Variants in PUM2 observed in about 807,000 individuals in gnomAD.
The protein encoded by PUM2 is pumilio homolog 2.
PUM2 carries 57 observed loss-of-function variants against 124.5 expected under a neutral mutation model. The ratio of observed to expected loss-of-function variants is 0.46; its 90% CI spans 0.37 to 0.57. PUM2 has a LOEUF of 0.57. Ranked by LOEUF, PUM2 falls within the 20% of genes least tolerant of loss-of-function variation. The pLI is 0.00. For missense variants in PUM2, 1,065 were observed against 1,290.6 expected (o/e 0.83, Z 2.68); for synonymous variants, 460 against 446.1 (o/e 1.03, Z -0.39).
Position 20,278,630 on chromosome 2 carries a change from G to T in PUM2, c.1910C>A (p.Pro637Gln). ...PSQTPGHSLT[P>Q]PPSLSSHGSS... ...TCCATGTGATGAAAGTGATGGCGGT[G>T]GCGTAAGTGAATGTCCTGGAGTTTG... The change falls in exon 13 of 21, where the codon CCA becomes CAA. Residue 637 changes from proline to glutamine, a missense_variant. Pro to Gln is a moderately conservative substitution (Grantham distance 76). This residue lies in a region of PUM2 where 968 missense variants were observed against 1,159.8 expected (regional missense o/e 0.83). Transcript: ENST00000361078. 1 of 1,613,376 alleles carries T rather than the reference G, an allele frequency of 6.2e-7. No homozygotes were observed. Among genetic ancestry groups the T allele is most frequent in the Non-Finnish European group, 8.5e-7 (1 of 1,179,598 alleles).
chr2:20,317,841 T>C, intron 3 of PUM2, among the ~76,000 whole-genome samples: 1 of 152,168 alleles, frequency 6.6e-6, no homozygotes, highest in East Asian at 1.9e-4. Context: ...TCCAGCCCCA[T>C]CCATGTTGCT....
At chr2:20,322,741 T>G (rs189217968) in intron 2 of PUM2, among the ~76,000 whole-genome samples, 103 of 152,272 alleles carry the variant, frequency 6.8e-4, no homozygotes, top group Middle Eastern at 6.8e-3. Flanking sequence ...GGTCAGAGGT[T>G]GCAGTAAGTT....
intron 5 of PUM2, among the ~76,000 whole-genome samples, chr2:20,308,796 A>T (rs900050837): frequency 6.6e-6 from 1 of 152,142 alleles, no homozygotes; most frequent in Non-Finnish European, 1.5e-5. Context: ...AATATTATTA[A>T]TGATTACTCC....
At chr2:20,320,284 A>G (rs967003137) in intron 2 of PUM2, among the ~76,000 whole-genome samples, 2 of 152,156 alleles carry the variant, frequency 1.3e-5, no homozygotes, top group Admixed American at 6.6e-5. Context: ...AGAGGGTACT[A>G]GCAGAGAAAG....
At position 20,341,099 on chromosome 2, in the gene PUM2, C is replaced by G. The variant is rs191371038; in HGVS notation, c.-19+9498G>C. 2.2e-4 allele frequency among the ~76,000 whole-genome samples: 33 copies of G among 152,278 alleles called. No homozygotes were observed. In the East Asian group the frequency reaches 6.4e-3, roughly 29 times the overall value. On this transcript the variant is annotated intron_variant, in intron 1 of 20. Transcript: ENST00000361078. ...TTGGTTGGCCAAGGCAGGAGGATTA[C>G]TTGAGTCCAGGAGTTCAAGACCAGC...
In PUM2 at chr2:20,260,425, C is replaced by T. The variant is rs1383336042; in HGVS notation, c.2267G>A (p.Arg756Gln). ...CAGAATTTCATTAAATACCATCTGT[C>T]GCTCAGCTGGAGTAGCTCTCTCTAG... is the stretch of plus-strand genomic sequence containing the variant. Reference protein sequence around the residue: ...QKLERATPAERQMVFNEILQA... With the variant: ...QKLERATPAEQQMVFNEILQA... The change falls in exon 15 of 21, where the codon CGA (arginine) becomes CAA (glutamine). Residue 756 changes from arginine (R) to glutamine (Q), a missense_variant. By Grantham distance (43) the Arg-to-Gln change is conservative. This residue lies in a region of PUM2 where 968 missense variants were observed against 1,159.8 expected (regional missense o/e 0.83). Transcript: ENST00000361078. 5.0e-6 allele frequency: 8 copies of T among 1,609,966 alleles called. No homozygotes were observed. The highest frequency in any genetic ancestry group is 2.2e-5 in the East Asian group (1 of 44,794).
rs776926815 is a variant in PUM2, at chr2:20,263,402, T to G, written c.2016A>C (p.Lys672Asn). Residue 672 changes from lysine to asparagine, a missense_variant, in exon 14 of 21, where the codon AAA (lysine) becomes AAC (asparagine). By Grantham distance (94) the Lys-to-Asn change is moderately conservative. Coordinates refer to ENST00000361078, the MANE Select transcript of PUM2 (RefSeq NM_015317.5). ...TGGAAGTGCTTGAAGCACTTCGATA[T>G]TTTGCTTCTGCTCCAGGTGCTGCAG... ...YISAAPGAEA[K>N]YRSASSTSSL... 6.2e-7 allele frequency: 1 copy of G among 1,614,024 alleles called. No individual in the cohort carries two copies. Among genetic ancestry groups the G allele is most frequent in the Non-Finnish European group, 8.5e-7 (1 of 1,179,854 alleles).
intron 7 of PUM2, among the ~76,000 whole-genome samples, chr2:20,300,188 T>A (rs1676625949): frequency 6.6e-6 from 1 of 152,130 alleles, no homozygotes; most frequent in Non-Finnish European, 1.5e-5. Flanking sequence ...TCGCTCTTGT[T>A]GCCCAGGTTG....
chr2:20,286,504 C>T (rs1429085833), intron 10 of PUM2, among the ~76,000 whole-genome samples: 1 of 152,144 alleles, frequency 6.6e-6, no homozygotes, highest in Non-Finnish European at 1.5e-5. Context: ...CTAATGATTA[C>T]TTTTCCTGTT....
chr2:20,254,164 GTTC>G lies in PUM2; in HGVS notation c.2871-153_2871-151del, dbSNP rs1007097341. 6 of 758,256 alleles carry G rather than the reference GTTC, an allele frequency of 7.9e-6. No homozygotes were observed. In the African/African-American group the frequency reaches 1.1e-4, roughly 14 times the overall value. The allele number at this position is 758,256 out of a possible 1,614,324, so 47.0% of individuals were successfully genotyped here. On this transcript the variant is annotated intron_variant, in intron 19 of 20. Coordinates refer to ENST00000361078, the MANE Select transcript of PUM2 (RefSeq NM_015317.5). ...CTTATGATTACTTTTATTTTATTTT[GTTC>G]TTTTTTTTTTTGAGACAGGGTCTTG...
At chr2:20,312,965 A>T (rs1235331451) in intron 3 of PUM2, among the ~76,000 whole-genome samples, 3 of 152,230 alleles carry the variant, frequency 2.0e-5, no homozygotes, top group Non-Finnish European at 2.9e-5. Flanking sequence ...CAATGGGGAA[A>T]GGATTCCCTA....
chr2:20,351,532 G>A (rs1276254588), upstream of PUM2, among the ~76,000 whole-genome samples: 1 of 152,200 alleles, frequency 6.6e-6, no homozygotes, highest in Non-Finnish European at 1.5e-5. Flanking sequence ...CTCACTCGTT[G>A]GCTGTTTCTT....
chr2:20,321,732 TACA>T (rs1682423710), intron 2 of PUM2, among the ~76,000 whole-genome samples: 1 of 152,278 alleles, frequency 6.6e-6, no homozygotes, highest in East Asian at 1.9e-4. Flanking sequence ...AGAGCAACCA[TACA>T]ACATTACAGA....
chr2:20,336,786 G>T lies in PUM2; in HGVS notation c.-18-9408C>A, dbSNP rs906226402. ...TGTGTGTGTGTGTGTGTGTGTGTGT[G>T]TGTGTGTGTGTGTGTGGTACAGACG... On this transcript the variant is annotated intron_variant, in intron 1 of 20. Transcript: ENST00000361078. Among the ~76,000 whole-genome samples, 5 of 141,932 alleles carry T rather than the reference G, an allele frequency of 3.5e-5. 2 individuals carry two copies. Among genetic ancestry groups the T allele is most frequent in the African/African-American group, 1.3e-4 (5 of 37,106 alleles). 93.1% of individuals were successfully genotyped at this position (141,932 alleles called of 152,430 possible).
intron 13 of PUM2, among the ~76,000 whole-genome samples, chr2:20,275,232 A>C (rs73214391): frequency 6.6e-6 from 1 of 151,944 alleles, no homozygotes; most frequent in South Asian, 2.1e-4. Context: ...TAGAACCAAA[A>C]ATAGATATAA....
intron 13 of PUM2, among the ~76,000 whole-genome samples, chr2:20,267,398 C>T (rs1326001726): frequency 6.6e-6 from 1 of 152,090 alleles, no homozygotes; most frequent in East Asian, 1.9e-4. Context: ...GAGAGAGAAT[C>T]ATACAGCCAA....
At chr2:20,280,095 A>C (rs1368979439) in intron 12 of PUM2, among the ~76,000 whole-genome samples, 4 of 152,188 alleles carry the variant, frequency 2.6e-5, no homozygotes, top group Admixed American at 6.5e-5. Context: ...AAAATTAAGG[A>C]GAGTACATCA....
At chr2:20,349,122 G>T (rs919182732) in intron 1 of PUM2, among the ~76,000 whole-genome samples, 1 of 152,160 alleles carries the variant, frequency 6.6e-6, no homozygotes, top group African/African-American at 2.4e-5. Flanking sequence ...GCTAAATGCT[G>T]AAACACCTAA....
Position 20,258,699 on chromosome 2 carries a change from C to T in PUM2, c.2356-328G>A, listed in dbSNP as rs187696774. 5.8e-3 allele frequency among the ~76,000 whole-genome samples: 713 copies of T among 121,942 alleles called. 10 individuals are homozygous for T. The highest frequency in any genetic ancestry group is 0.021 in the African/African-American group (672 of 31,876). The allele number at this position is 121,942 out of a possible 152,430, so 80.0% of individuals were successfully genotyped here. A position where few individuals can be genotyped will look rare whatever the true frequency, so the allele number is the denominator to read the frequency against. On this transcript the variant is annotated intron_variant, in intron 15 of 20. Coordinates refer to ENST00000361078, the MANE Select transcript of PUM2 (RefSeq NM_015317.5). ...TTGTTGAGACGGAGTCTCGCTCTGTCGCCCAGGCTGGACTGCGGACTGCAG... is the reference window on the plus strand; with the variant it reads ...TTGTTGAGACGGAGTCTCGCTCTGTTGCCCAGGCTGGACTGCGGACTGCAG...
Sources: allele counts gnomAD v4.1 joint callset (sites outside exome capture counted in the v4.1 genomes callset), GRCh38; gene constraint gnomAD v4.1.1; regional missense constraint gnomAD v4.1.1; transcripts MANE v1.5; gene names NCBI Gene and HGNC (gene_info 2026-07-23, HGNC 2026-07-21).